Variants in CNTN3 observed in about 807,000 individuals in gnomAD.
CNTN3 encodes contactin 3.
In CNTN3, 60 loss-of-function variants were observed where a neutral mutation model predicts 119.1. That is an observed-to-expected ratio of 0.50 (90% CI 0.41 to 0.62). CNTN3 has a LOEUF of 0.62. Among genes scored for constraint, CNTN3 ranks in the 20% least tolerant of loss-of-function variants. CNTN3 has a pLI of 0.00. For missense variants in CNTN3, 1,101 were observed against 1,242.4 expected, an observed-to-expected ratio of 0.89 and a Z score of 1.71; for synonymous variants, 450 against 438.7, an observed-to-expected ratio of 1.03 and a Z score of -0.32.
chr3:74,552,409 T>C (rs1007037755), intron 1 of CNTN3, among the ~76,000 whole-genome samples: 6 of 152,198 alleles, frequency 3.9e-5, no homozygotes, highest in South Asian at 2.1e-4. Context: ...CGTTTTACAT[T>C]GCCACCTAGC....
chr3:74,318,494 G>A (rs1101692), intron 13 of CNTN3, among the ~76,000 whole-genome samples: 45,663 of 151,966 alleles, frequency 0.3, 7,549 homozygotes, highest in East Asian at 0.68. Flanking sequence ...TTTGATGATG[G>A]TCACGTACAG....
At chr3:74,383,311 T>C (rs1704667789) in intron 5 of CNTN3, among the ~76,000 whole-genome samples, 1 of 152,204 alleles carries the variant, frequency 6.6e-6, no homozygotes, top group Non-Finnish European at 1.5e-5. Flanking sequence ...ACACTCCACC[T>C]ATCTAGTTAC....
intron 2 of CNTN3, 49 bp downstream of exon 2, chr3:74,521,009 T>A: frequency 9.0e-7 from 1 of 1,109,018 alleles, no homozygotes; most frequent in South Asian, 1.5e-5. Flanking sequence ...AGCATATGAC[T>A]CGAGTATACT....
intron 20 of CNTN3, among the ~76,000 whole-genome samples, chr3:74,277,706 A>G (rs1226894075): frequency 6.6e-6 from 1 of 151,984 alleles, no homozygotes; most frequent in African/African-American, 2.4e-5. Context: ...AGAACTGGAA[A>G]AAGACAAGGA....
At chr3:74,338,624 T>C (rs979471009) in intron 11 of CNTN3, among the ~76,000 whole-genome samples, 1 of 152,028 alleles carries the variant, frequency 6.6e-6, no homozygotes, top group African/African-American at 2.4e-5. Context: ...TCACTTTCAT[T>C]TGCATCCTGG....
chr3:74,569,808 T>A (rs1047229575), intron 1 of CNTN3, among the ~76,000 whole-genome samples: 1 of 152,108 alleles, frequency 6.6e-6, no homozygotes, highest in Non-Finnish European at 1.5e-5. Flanking sequence ...GGGGCTGAGA[T>A]CTCCCCTGAG....
At chr3:74,426,522 T>G (rs988434596) in intron 4 of CNTN3, among the ~76,000 whole-genome samples, 16 of 152,140 alleles carry the variant, frequency 1.1e-4, no homozygotes, top group African/African-American at 3.9e-4. Flanking sequence ...CAGAGAGAAA[T>G]AAGAGGGCCT....
chr3:74,478,344 T>G (rs1298275240), intron 4 of CNTN3, among the ~76,000 whole-genome samples: 1 of 152,076 alleles, frequency 6.6e-6, no homozygotes, highest in African/African-American at 2.4e-5. Context: ...CCCGTCCACA[T>G]AGCCAGGTGA....
chr3:74,353,482 T>C (rs1396981240), intron 11 of CNTN3, among the ~76,000 whole-genome samples: 2 of 152,250 alleles, frequency 1.3e-5, no homozygotes, highest in African/African-American at 2.4e-5. Context: ...ATAGGCCGGG[T>C]GCCGTGGCTC....
chr3:74,313,538 C>T (rs1421047803), intron 13 of CNTN3, among the ~76,000 whole-genome samples: 1 of 152,074 alleles, frequency 6.6e-6, no homozygotes, highest in Non-Finnish European at 1.5e-5. Context: ...TAAATGCTTG[C>T]TTAGAAATCA....
intron 1 of CNTN3, among the ~76,000 whole-genome samples, chr3:74,523,064 A>C (rs1019996141): frequency 6.6e-6 from 1 of 151,772 alleles, no homozygotes; most frequent in Admixed American, 6.6e-5. Context: ...CTTGGACCAA[A>C]GGGTCTCAGG....
chr3:74,273,015 T>C (rs1261858293), intron 20 of CNTN3, among the ~76,000 whole-genome samples: 1 of 152,110 alleles, frequency 6.6e-6, no homozygotes, highest in African/African-American at 2.4e-5. Context: ...TAGATATATA[T>C]TAATAGAAAA....
rs533506098 is a variant in CNTN3, at chr3:74,380,016, T to A, written c.455-8617A>T. On this transcript the variant is annotated intron_variant, in intron 5 of 22. Coordinates refer to ENST00000263665, the MANE Select transcript of CNTN3 (RefSeq NM_020872.3). The stretch of plus-strand genomic sequence containing the variant: ...GCTTGCAGTTCCTGCAACCTCCAGC[T>A]TGTACCTGGACTTTCTGGTACAGTG... Among the ~76,000 whole-genome samples the A allele has an allele frequency of 6.8e-4, 104 of 152,358 alleles. 1 individual carries two copies. Among genetic ancestry groups the A allele is most frequent in the African/African-American group, 2.5e-3 (104 of 41,588 alleles).
chr3:74,443,636 G>A (rs1019423905), intron 4 of CNTN3, among the ~76,000 whole-genome samples: 7 of 152,074 alleles, frequency 4.6e-5, no homozygotes, highest in African/African-American at 1.7e-4. Flanking sequence ...CTATGGCACA[G>A]GACACACTCT....
rs954173066 is a variant in CNTN3, at chr3:74,263,138, T to G, written c.*1263A>C. 6.6e-6 allele frequency: 1 copy of G among 152,150 alleles called. No individual in the cohort carries two copies. The highest frequency in any genetic ancestry group is 2.4e-5 in the African/African-American group (1 of 41,454). The allele number at this position is 152,150 out of a possible 1,614,324, so 9.4% of individuals were successfully genotyped here. ...AAACTGATTTTGCAATGTTGAAAAC[T>G]CAATCTGCTGATTTTAATTTATTCT... is the stretch of plus-strand genomic sequence containing the variant. On this transcript the variant is annotated 3_prime_UTR_variant, in exon 23 of 23. Transcript: ENST00000263665.
intron 1 of CNTN3, among the ~76,000 whole-genome samples, chr3:74,584,034 C>T (rs903967306): frequency 3.3e-5 from 5 of 152,250 alleles, no homozygotes; most frequent in East Asian, 1.9e-4. Flanking sequence ...ATACTTATTT[C>T]TTTCCCACAT....
intron 1 of CNTN3, among the ~76,000 whole-genome samples, chr3:74,531,226 T>G (rs1415468797): frequency 6.6e-6 from 1 of 152,010 alleles, no homozygotes; most frequent in Non-Finnish European, 1.5e-5. Context: ...TTAATTTTTT[T>G]GCTTGAAATT....
chr3:74,319,138 C>T (rs1339530244), intron 13 of CNTN3, among the ~76,000 whole-genome samples: 1 of 152,174 alleles, frequency 6.6e-6, no homozygotes, highest in Non-Finnish European at 1.5e-5. Flanking sequence ...CTACCAACGA[C>T]TTTCTTCACA....
chr3:74,508,932 A>G (rs999757111), intron 2 of CNTN3, among the ~76,000 whole-genome samples: 1 of 152,202 alleles, frequency 6.6e-6, no homozygotes, highest in African/African-American at 2.4e-5. Flanking sequence ...AAGTATAAGC[A>G]TCTTAAAAAT....
Sources: allele counts gnomAD v4.1 joint callset (sites outside exome capture counted in the v4.1 genomes callset), GRCh38; gene constraint gnomAD v4.1.1; transcripts MANE v1.5; gene names NCBI Gene and HGNC (gene_info 2026-07-23, HGNC 2026-07-21).